The following ZMYM1 variants were observed in gnomAD, a reference collection of about 807,000 sequenced individuals.
ZMYM1 encodes the protein zinc finger MYM-type protein 1.
ZMYM1 carries 39 observed loss-of-function variants against 60.0 expected under a neutral mutation model. That is an observed-to-expected ratio of 0.65 (90% confidence interval 0.50 to 0.85). ZMYM1 has a LOEUF of 0.85. Ranked by LOEUF, ZMYM1 falls within the 40% of genes least tolerant of loss-of-function variation. The pLI is 0.00. For synonymous variants in ZMYM1, 413 were observed against 454.0 expected (o/e 0.91, Z 1.15); for missense variants, 1,171 against 1,309.5 (o/e 0.89, Z 1.63).
intron 1 of ZMYM1, among the ~76,000 whole-genome samples, chr1:35,068,067 G>A (rs536194422): frequency 2.6e-5 from 4 of 151,810 alleles, no homozygotes; most frequent in Admixed American, 6.6e-5. Context: ...GATTACAGGC[G>A]TGAGCCACAG....
intron 3 of ZMYM1, among the ~76,000 whole-genome samples, chr1:35,096,392 A>G (rs941878545): frequency 6.6e-6 from 1 of 151,936 alleles, no homozygotes; most frequent in African/African-American, 2.4e-5. Context: ...TGGGAGGCCA[A>G]GGTGGAAGGA....
At chr1:35,065,203 T>C (rs1276711063) in intron 1 of ZMYM1, among the ~76,000 whole-genome samples, 3 of 151,986 alleles carry the variant, frequency 2.0e-5, no homozygotes, top group Non-Finnish European at 4.4e-5. Context: ...TAGACCATTG[T>C]CTTCCCTTCC....
chr1:35,110,579 C>A, intron 7 of ZMYM1, 132 bp downstream of exon 7: 1 of 782,572 alleles, frequency 1.3e-6, no homozygotes, highest in Non-Finnish European at 1.7e-6. Flanking sequence ...AAACTTGTTG[C>A]AAAGAACTGT....
chr1:35,114,317 A>G lies in ZMYM1; in HGVS notation c.2487A>G (p.Thr829=). The change falls in exon 10 of 10, where the codon ACA becomes ACG. Residue 829 remains threonine, a synonymous_variant. Coordinates refer to ENST00000359858, the MANE Select transcript of ZMYM1 (RefSeq NM_024772.5). ...ACAGTCTTCCAGAGATTATTGAAACATTGGAAGTTATAGCAAGCCATTCTT... is the reference window on the plus strand; with the variant it reads ...ACAGTCTTCCAGAGATTATTGAAACGTTGGAAGTTATAGCAAGCCATTCTT... The part of the protein sequence containing the change: ...VIDSLPEIIE[T]LEVIASHSSN... 6.2e-7 allele frequency: 1 copy of G among 1,613,712 alleles called. No homozygotes were observed. The highest frequency in any genetic ancestry group is 8.5e-7 in the Non-Finnish European group (1 of 1,179,802).
downstream of ZMYM1, among the ~76,000 whole-genome samples, chr1:35,117,007 C>A (rs1644256775): frequency 6.7e-6 from 1 of 150,330 alleles, no homozygotes; most frequent in South Asian, 2.1e-4. Context: ...CTGTGCCCGG[C>A]TAATTTTTTG....
At position 35,090,248 on chromosome 1, in the gene ZMYM1, C is replaced by T. The variant is rs114319687; in HGVS notation, c.-74-3666C>T. Among the ~76,000 whole-genome samples the T allele has an allele frequency of 1.0e-3, 153 of 152,030 alleles. 1 individual carries two copies. Among genetic ancestry groups the T allele is most frequent in the African/African-American group, 3.6e-3 (150 of 41,496 alleles). ...AGGATCTAGGAGACAGGAAGACTTG[C>T]ACTCTGAAGCCAAGCTAGGGTGGCA... On this transcript the variant is annotated intron_variant, in intron 1 of 9. Coordinates refer to ENST00000359858, the MANE Select transcript of ZMYM1 (RefSeq NM_024772.5).
At chr1:35,075,559 A>T (rs938778458), upstream of ZMYM1, among the ~76,000 whole-genome samples, 2 of 151,898 alleles carry the variant, frequency 1.3e-5, no homozygotes, top group African/African-American at 4.8e-5. Context: ...GATGATACCC[A>T]CTCTCTCCCA....
At chr1:35,078,594 G>A (rs1164219189), upstream of ZMYM1, among the ~76,000 whole-genome samples, 1 of 130,256 alleles carries the variant, frequency 7.7e-6, no homozygotes, top group Non-Finnish European at 1.5e-5. Context: ...TGTCGCTCAG[G>A]CTGAAGTGCA....
intron 4 of ZMYM1, among the ~76,000 whole-genome samples, chr1:35,101,623 C>T (rs1643663202): frequency 2.0e-5 from 3 of 151,708 alleles, no homozygotes; most frequent in Admixed American, 1.3e-4. Context: ...ATTCCTCACT[C>T]TCCTCTTACA....
intron 1 of ZMYM1, among the ~76,000 whole-genome samples, chr1:35,064,482 C>T (rs1641934603): frequency 6.6e-6 from 1 of 151,682 alleles, no homozygotes; most frequent in Non-Finnish European, 1.5e-5. Context: ...GACACTCCAC[C>T]CAACAACAGT....
intron 1 of ZMYM1, among the ~76,000 whole-genome samples, chr1:35,072,339 CA>C (rs1642082431): frequency 6.6e-6 from 1 of 152,118 alleles, no homozygotes; most frequent in Non-Finnish European, 1.5e-5. Context: ...AGTTTATTGG[CA>C]TATAGTTGTT....
chr1:35,109,877 AC>A (rs1235664879), intron 6 of ZMYM1, among the ~76,000 whole-genome samples: 1 of 151,994 alleles, frequency 6.6e-6, no homozygotes, highest in Non-Finnish European at 1.5e-5. Context: ...CTCCTGAGTA[AC>A]TGTGATTACA....
At position 35,088,247 on chromosome 1, in the gene ZMYM1, G is replaced by A. The variant is rs576014847; in HGVS notation, c.-74-5667G>A. Among the ~76,000 whole-genome samples the A allele has an allele frequency of 1.6e-4, 24 of 151,460 alleles. No individual in the cohort carries two copies. In the South Asian group the frequency reaches 2.9e-3, roughly 18 times the overall value. On this transcript the variant is annotated intron_variant, in intron 1 of 9. Transcript: ENST00000359858. ...ATCCTGGCCAACATGGTGAAAACCCGTCTCTACTAAAAATACAAAAATTAG... is the reference window on the plus strand; with the variant it reads ...ATCCTGGCCAACATGGTGAAAACCCATCTCTACTAAAAATACAAAAATTAG...
intron 1 of ZMYM1, among the ~76,000 whole-genome samples, chr1:35,070,572 C>T (rs768030745): frequency 4.6e-5 from 7 of 152,204 alleles, no homozygotes; most frequent in Non-Finnish European, 8.8e-5. Context: ...TGACTTCCTC[C>T]TTTCCAATTT....
chr1:35,104,018 T>C lies in ZMYM1; in HGVS notation c.420-277T>C, dbSNP rs77793957. 1.6e-4 allele frequency among the ~76,000 whole-genome samples: 25 copies of C among 152,270 alleles called. No homozygotes were observed. The East Asian group carries it at 3.7e-3, about 22-fold the overall frequency. On this transcript the variant is annotated intron_variant, in intron 4 of 9. Coordinates refer to ENST00000359858, the MANE Select transcript of ZMYM1 (RefSeq NM_024772.5). ...TGGGAGATTGAGGTGGGAGAATCTC[T>C]TGAGCCCAGGAATTTGAGGCCAGCT...
chr1:35,069,648 TAA>T (rs1220611830), intron 1 of ZMYM1, among the ~76,000 whole-genome samples: 5 of 152,300 alleles, frequency 3.3e-5, no homozygotes, highest in African/African-American at 1.2e-4. Flanking sequence ...CTTATTTTTT[TAA>T]AAAAATTGCC....
rs779273345 is a variant in ZMYM1 at position 35,113,049 on chromosome 1, CCATCTTCAT to C, written c.1222_1230del (p.Ser408_Ser410del). ...TAGTACGGAACAGCCAAGCGTTTCA[CCATCTTCAT>C]CAGTATTCAGTCAGCATGCAATTGG... is the stretch of plus-strand genomic sequence containing the variant. On this transcript the variant is annotated inframe_deletion, in exon 10 of 10. Transcript: ENST00000359858. 1.2e-6 allele frequency: 2 copies of C among 1,613,780 alleles called. No homozygotes were observed. Among genetic ancestry groups the C allele is most frequent in the Non-Finnish European group, 1.7e-6 (2 of 1,179,856 alleles).
At chr1:35,108,108 T>C (rs1158298142) in intron 6 of ZMYM1, among the ~76,000 whole-genome samples, 1 of 151,992 alleles carries the variant, frequency 6.6e-6, no homozygotes, top group African/African-American at 2.4e-5. Context: ...CAAGACTCTG[T>C]CTCAAAAATA....
rs192038067 is a variant in ZMYM1, at chr1:35,098,653, T to C, written c.419+1087T>C. 5.6e-4 allele frequency among the ~76,000 whole-genome samples: 85 copies of C among 152,254 alleles called. 1 individual carries two copies. The East Asian group carries it at 0.014, about 26-fold the overall frequency. On this transcript the variant is annotated intron_variant, in intron 4 of 9. Coordinates refer to ENST00000359858, the MANE Select transcript of ZMYM1 (RefSeq NM_024772.5). ...TGGGAGCAGTGGCTCACGCCTGTTA[T>C]CCTAGCACTTAGGGAGGCCGAGGTG...
Sources: allele counts gnomAD v4.1 joint callset (sites outside exome capture counted in the v4.1 genomes callset), GRCh38; gene constraint gnomAD v4.1.1; transcripts MANE v1.5; gene names NCBI Gene and HGNC (gene_info 2026-07-23, HGNC 2026-07-21).